SORT1: variants seen among roughly 807,000 people sequenced by gnomAD.
SORT1 encodes the protein sortilin.
Under a neutral mutation model 101.7 loss-of-function variants are expected in SORT1, and 39 were observed. That is an observed-to-expected ratio of 0.38 (90% CI 0.30 to 0.50). SORT1 has a LOEUF of 0.50. Among genes scored for constraint, SORT1 ranks in the 20% least tolerant of loss-of-function variants. SORT1 has a pLI of 0.90. For missense variants in SORT1, 878 were observed against 1,040.4 expected (o/e 0.84, Z 2.15); for synonymous variants, 396 against 393.7 (o/e 1.01, Z -0.07).
intron 1 of SORT1, among the ~76,000 whole-genome samples, chr1:109,370,476 C>T (rs908063283): frequency 6.6e-6 from 1 of 151,868 alleles, no homozygotes; most frequent in African/African-American, 2.4e-5. Flanking sequence ...ATAAAAATTC[C>T]AAAGAGGTAA....
chr1:109,351,799 G>C (rs1486742944), intron 5 of SORT1, among the ~76,000 whole-genome samples: 1 of 152,188 alleles, frequency 6.6e-6, no homozygotes, highest in Admixed American at 6.5e-5. Context: ...GGATTTCAGA[G>C]GGTCCAGACT....
intron 15 of SORT1, 77 bp from the exon 16 acceptor site, chr1:109,318,046 G>A: frequency 2.3e-6 from 2 of 888,516 alleles, no homozygotes; most frequent in Non-Finnish European, 3.7e-6. Flanking sequence ...AGGGTTATGT[G>A]GGGTAGTGGA....
chr1:109,361,622 TATAAC>T (rs1341070898), intron 3 of SORT1, among the ~76,000 whole-genome samples: 2 of 152,236 alleles, frequency 1.3e-5, no homozygotes, highest in African/African-American at 4.8e-5. Flanking sequence ...CACTATAAAT[TATAAC>T]ATAAAAGTAA....
chr1:109,325,205 G>A (rs1647908612), intron 13 of SORT1, 116 bp from the exon 14 acceptor site: 1 of 498,212 alleles, frequency 2.0e-6, no homozygotes, highest in Non-Finnish European at 3.5e-6. Flanking sequence ...TTTAGGTGGT[G>A]GCTTATTGGC....
intron 1 of SORT1, chr1:109,393,313 G>A (rs777677834): frequency 1.0e-6 from 1 of 985,162 alleles, no homozygotes; most frequent in Non-Finnish European, 1.2e-6. Flanking sequence ...GCAGAGGGAG[G>A]ACAGAAAATA....
At chr1:109,373,963 C>T (rs1651656265) in intron 1 of SORT1, among the ~76,000 whole-genome samples, 1 of 152,120 alleles carries the variant, frequency 6.6e-6, no homozygotes. Flanking sequence ...GTGGCACATG[C>T]TTGTAGCCCT....
chr1:109,343,346 G>A (rs551399483), intron 8 of SORT1, among the ~76,000 whole-genome samples: 17 of 152,160 alleles, frequency 1.1e-4, no homozygotes, highest in South Asian at 2.1e-4. Flanking sequence ...CCTCCACGTC[G>A]CCAACTCCAG....
chr1:109,391,805 T>G (rs182692456), intron 1 of SORT1, among the ~76,000 whole-genome samples: 1 of 152,182 alleles, frequency 6.6e-6, no homozygotes, highest in Non-Finnish European at 1.5e-5. Context: ...TCAAGCCCCA[T>G]TAATCCTCAA....
At chr1:109,326,764 A>G in intron 13 of SORT1, 1 of 383,818 alleles carries the variant, frequency 2.6e-6, no homozygotes, top group Non-Finnish European at 4.6e-6. Context: ...CCCAGAAAGA[A>G]TGTTTTTAAG....
At chr1:109,357,408 A>C (rs989285814) in intron 3 of SORT1, among the ~76,000 whole-genome samples, 2 of 152,254 alleles carry the variant, frequency 1.3e-5, no homozygotes, top group African/African-American at 4.8e-5. Flanking sequence ...GAGCAGTGTA[A>C]GGGGCTGAAG....
chr1:109,324,667 T>C (rs1487088503), intron 14 of SORT1, among the ~76,000 whole-genome samples: 1 of 152,228 alleles, frequency 6.6e-6, no homozygotes, highest in Non-Finnish European at 1.5e-5. Context: ...GACAGAATAA[T>C]TTAAATGACA....
intron 6 of SORT1, 101 bp from the exon 7 acceptor site, chr1:109,347,633 TCACAGG>T (rs1557800746): frequency 1.3e-6 from 1 of 782,994 alleles, no homozygotes; most frequent in East Asian, 2.7e-5. Flanking sequence ...CAAGCTTCAT[TCACAGG>T]CACTGACAAG....
chr1:109,342,489 G>T (rs1570925345), intron 8 of SORT1, among the ~76,000 whole-genome samples: 1 of 152,156 alleles, frequency 6.6e-6, no homozygotes, highest in South Asian at 2.1e-4. Context: ...AGAACATTAG[G>T]TTGGCTTTAT....
At position 109,369,382 on chromosome 1, in the gene SORT1, C is replaced by T; in HGVS notation, c.366+148G>A. ...AGCAAAACCAACACAACTACAACTT[C>T]CTGAAAGTCTGTCTTGCAAACATGT... On this transcript the variant is annotated intron_variant, in intron 2 of 19. Transcript: ENST00000256637. 6.6e-6 allele frequency: 4 copies of T among 605,362 alleles called. 1 individual carries two copies. Among genetic ancestry groups the T allele is most frequent in the East Asian group, 5.9e-5 (2 of 34,028 alleles). The allele number at this position is 605,362 out of a possible 1,614,324, so 37.5% of individuals were successfully genotyped here. A position where few individuals can be genotyped will look rare whatever the true frequency, so the allele number is the denominator to read the frequency against.
chr1:109,313,277 GT>G lies in SORT1; in HGVS notation c.*765del, dbSNP rs1259733115. 1 of 152,684 alleles carries G rather than the reference GT, an allele frequency of 6.5e-6. No homozygotes were observed. Among genetic ancestry groups the G allele is most frequent in the Admixed American group, 6.5e-5 (1 of 15,286 alleles). 9.5% of individuals were successfully genotyped at this position (152,684 alleles called of 1,614,324 possible). A position where few individuals can be genotyped will look rare whatever the true frequency, so the allele number is the denominator to read the frequency against. ...AGAAGCAAGAGTTCTCTTTTAATAGGTGCTATATCTAGTCAATTCTCTGCTG... is the reference window on the plus strand; with the variant it reads ...AGAAGCAAGAGTTCTCTTTTAATAGGGCTATATCTAGTCAATTCTCTGCTG... On this transcript the variant is annotated 3_prime_UTR_variant, in exon 20 of 20. Transcript: ENST00000256637.
chr1:109,393,012 C>T, intron 1 of SORT1: 1 of 985,420 alleles, frequency 1.0e-6, no homozygotes, highest in Non-Finnish European at 1.2e-6. Context: ...AGTTCCGGGG[C>T]ATTAAAGGAC....
At chr1:109,316,174 T>A (rs1265954573) in intron 17 of SORT1, among the ~76,000 whole-genome samples, 4 of 152,100 alleles carry the variant, frequency 2.6e-5, no homozygotes, top group African/African-American at 7.2e-5. Context: ...TGCCCAGTGC[T>A]CTTCTCTTCC....
intron 3 of SORT1, among the ~76,000 whole-genome samples, chr1:109,361,075 C>A (rs146149134): frequency 4.6e-5 from 7 of 152,150 alleles, no homozygotes; most frequent in Admixed American, 4.6e-4. Context: ...GCAGTCTGTG[C>A]AATTTAGATA....
intron 11 of SORT1, among the ~76,000 whole-genome samples, chr1:109,333,398 A>C (rs1166727841): frequency 6.6e-6 from 1 of 152,220 alleles, no homozygotes; most frequent in Non-Finnish European, 1.5e-5. Flanking sequence ...GCAACAAAAA[A>C]CAAAAACAGA....
Sources: allele counts gnomAD v4.1 joint callset (sites outside exome capture counted in the v4.1 genomes callset), GRCh38; gene constraint gnomAD v4.1.1; transcripts MANE v1.5; gene names NCBI Gene and HGNC (gene_info 2026-07-23, HGNC 2026-07-21).